DHRSX: variants seen among roughly 807,000 people sequenced by gnomAD.
The protein encoded by DHRSX is polyprenol dehydrogenase.
A neutral mutation model predicts 34.0 loss-of-function variants in DHRSX; 31 were observed. The ratio of observed to expected loss-of-function variants is 0.91; its 90% CI spans 0.69 to 1.23. The LOEUF is 1.23. Among genes scored for constraint, DHRSX ranks in the 50% most tolerant of loss-of-function variants. The pLI is 0.00. For synonymous variants in DHRSX, 201 were observed against 183.8 expected, an observed-to-expected ratio of 1.09 and a Z score of -0.76; for missense variants, 414 against 428.1, an observed-to-expected ratio of 0.97 and a Z score of 0.29.
chrX:2,346,911 G>T lies in DHRSX; in HGVS notation c.287-55308C>A, dbSNP rs186706550. ...GAGAACATGAGGTGTTTGGTTTTCT[G>T]TCCTTGTGATAGTTTGCTGAGAATG... On this transcript the variant is annotated intron_variant, in intron 3 of 6. Coordinates refer to ENST00000334651, the MANE Select transcript of DHRSX (RefSeq NM_145177.3). Among the ~76,000 whole-genome samples the T allele has an allele frequency of 2.0e-5, 3 of 151,894 alleles. No homozygotes were observed. The East Asian group carries it at 5.8e-4, about 29-fold the overall frequency.
intron 1 of DHRSX, among the ~76,000 whole-genome samples, chrX:2,465,513 A>AAACAG (rs1321534345): frequency 4.6e-5 from 7 of 152,054 alleles, no homozygotes. Flanking sequence ...TATGAAAAGA[A>AAACAG]AACAGACGGC....
chrX:2,337,295 C>T (rs2042581119), intron 3 of DHRSX, among the ~76,000 whole-genome samples: 1 of 152,076 alleles, frequency 6.6e-6, no homozygotes, highest in African/African-American at 2.4e-5. Context: ...TTCAAACTTT[C>T]ATTCTATATT....
intron 5 of DHRSX, among the ~76,000 whole-genome samples, chrX:2,252,508 G>T (rs373668344): frequency 4.6e-5 from 7 of 152,300 alleles, no homozygotes; most frequent in African/African-American, 1.4e-4. Flanking sequence ...CAAGCATTCG[G>T]TTCTGAATCT....
At chrX:2,262,077 G>A (rs1224384162) in intron 5 of DHRSX, among the ~76,000 whole-genome samples, 1 of 152,270 alleles carries the variant, frequency 6.6e-6, no homozygotes. Flanking sequence ...GTGGAGCCCC[G>A]AGTGGGCATC....
At chrX:2,330,105 A>G (rs370972400) in intron 3 of DHRSX, among the ~76,000 whole-genome samples, 390 of 16,604 alleles carry the variant, frequency 0.023, 27 homozygotes, top group Non-Finnish European at 0.015. Flanking sequence ...AGGGAGGGAG[A>G]GAGAGAGAGA....
Position 2,238,907 on chromosome X carries a change from A to AATGC in DHRSX, c.804+4112_804+4115dup, listed in dbSNP as rs762797349. Among the ~76,000 whole-genome samples, 471 of 152,014 alleles carry AATGC rather than the reference A, an allele frequency of 3.1e-3. 2 individuals carry two copies. Among genetic ancestry groups the AATGC allele is most frequent in the African/African-American group, 0.011 (455 of 41,478 alleles). On this transcript the variant is annotated intron_variant, in intron 6 of 6. Transcript: ENST00000334651. ...GCTGATCTTCCAAGTCTTAATATAC[A>AATGC]ATGCATGCATGCATGCATGCATACA...
At chrX:2,490,454 G>C (rs760918136) in intron 1 of DHRSX, 5 of 1,613,990 alleles carry the variant, frequency 3.1e-6, no homozygotes, top group Non-Finnish European at 3.4e-6. Context: ...GGTGGCGAAG[G>C]CTTCACGCAT....
rs753123425 is a variant in DHRSX, at chrX:2,490,323, G to A, written c.109+10494C>T. On this transcript the variant is annotated intron_variant, in intron 1 of 6. Transcript: ENST00000334651. ...GCTGGGTACAGCCCCTCGCAGATGA[G>A]GCCCAGCACGGCGGCCGTCAGCTCC... 4.3e-6 allele frequency: 7 copies of A among 1,613,250 alleles called. No homozygotes were observed. The South Asian group carries it at 7.7e-5, about 18-fold the overall frequency.
chrX:2,291,545 C>T lies in DHRSX; in HGVS notation c.345G>A (p.Lys115=). The change falls in exon 4 of 7, where the codon AAG becomes AAA. Residue 115 remains lysine, a synonymous_variant. Coordinates refer to ENST00000334651, the MANE Select transcript of DHRSX (RefSeq NM_145177.3). Reference sequence around the variant, plus strand: ...GGAGAGGAATCTTCTTCATCTTGAACTTCTGCACAAACTGCCGGATGGAAG... The same window carrying T: ...GGAGAGGAATCTTCTTCATCTTGAATTTCTGCACAAACTGCCGGATGGAAG... The part of the protein sequence containing the change: ...SMTSIRQFVQ[K]FKMKKIPLHV... The T allele has an allele frequency of 6.2e-7, 1 of 1,613,954 alleles. No homozygotes were observed. The highest frequency in any genetic ancestry group is 2.2e-5 in the East Asian group (1 of 44,884).
At chrX:2,382,018 C>T (rs2043209606) in intron 3 of DHRSX, among the ~76,000 whole-genome samples, 1 of 152,130 alleles carries the variant, frequency 6.6e-6, no homozygotes. Context: ...GCATGGCTGA[C>T]AGCATCACTT....
intron 1 of DHRSX, among the ~76,000 whole-genome samples, chrX:2,467,898 G>A (rs6567549): frequency 0.52 from 77,998 of 150,368 alleles, 22,865 homozygotes; most frequent in African/African-American, 0.8. Context: ...GAGGCGGGGA[G>A]GTTGCAGGGA....
chrX:2,372,099 C>G (rs181555779), intron 3 of DHRSX, among the ~76,000 whole-genome samples: 29 of 152,292 alleles, frequency 1.9e-4, no homozygotes, highest in African/African-American at 6.5e-4. Context: ...GAGAAATTTT[C>G]TTGAGGCTCG....
intron 3 of DHRSX, chrX:2,334,806 T>C (rs1255812312): frequency 6.6e-6 from 1 of 152,192 alleles, no homozygotes; most frequent in Non-Finnish European, 1.5e-5. Flanking sequence ...TCCATCACTA[T>C]TTAATTCTAT....
intron 3 of DHRSX, among the ~76,000 whole-genome samples, chrX:2,292,369 A>G (rs2041876879): frequency 6.6e-6 from 1 of 152,168 alleles, no homozygotes; most frequent in African/African-American, 2.4e-5. Flanking sequence ...ACCTCAGGCC[A>G]GATGACACTT....
chrX:2,472,800 T>C (rs756166345), intron 1 of DHRSX, among the ~76,000 whole-genome samples: 35 of 152,148 alleles, frequency 2.3e-4, no homozygotes, highest in Non-Finnish European at 3.4e-4. Context: ...ACACTACATG[T>C]GCTGCTATTG....
intron 4 of DHRSX, among the ~76,000 whole-genome samples, chrX:2,267,900 T>C (rs73185728): frequency 0.12 from 18,071 of 152,084 alleles, 1,516 homozygotes; most frequent in Admixed American, 0.18. Context: ...TGAGCCGAGA[T>C]TGTGCTACTG....
chrX:2,263,718 G>C (rs1030264264), intron 5 of DHRSX, among the ~76,000 whole-genome samples: 2 of 151,730 alleles, frequency 1.3e-5, no homozygotes, highest in Non-Finnish European at 2.9e-5. Flanking sequence ...TCACCATGTT[G>C]GTCAGGATGG....
chrX:2,330,651 G>T (rs2042457767), intron 3 of DHRSX, among the ~76,000 whole-genome samples: 1 of 144,274 alleles, frequency 6.9e-6, no homozygotes, highest in African/African-American at 2.7e-5. Flanking sequence ...AGAAACGAAA[G>T]AAGATGAAGG....
At chrX:2,311,720 C>T (rs887380025) in intron 3 of DHRSX, among the ~76,000 whole-genome samples, 6 of 152,124 alleles carry the variant, frequency 3.9e-5, no homozygotes, top group African/African-American at 7.2e-5. Context: ...ATTCTGTCTC[C>T]AAGGAGGTAA....
Sources: allele counts gnomAD v4.1 joint callset (sites outside exome capture counted in the v4.1 genomes callset), GRCh38; gene constraint gnomAD v4.1.1; transcripts MANE v1.5; gene names NCBI Gene and HGNC (gene_info 2026-07-23, HGNC 2026-07-21).